PLXNC1: variants seen among roughly 807,000 people sequenced by gnomAD.
PLXNC1 encodes plexin C1.
A neutral mutation model predicts 178.2 loss-of-function variants in PLXNC1; 75 were observed. The ratio of observed to expected loss-of-function variants is 0.42; its 90% CI spans 0.35 to 0.51. PLXNC1 has a LOEUF of 0.51. PLXNC1 is among the 20% of genes least tolerant of loss of function. The probability of loss-of-function intolerance (pLI) is 0.02; values close to 1 mark genes in which losing one functional copy is unlikely to be tolerated. For synonymous variants in PLXNC1, 790 were observed against 779.9 expected (o/e 1.01, Z -0.22); for missense variants, 1,503 against 1,984.4 (o/e 0.76, Z 4.61).
intron 23 of PLXNC1, among the ~76,000 whole-genome samples, chr12:94,293,278 C>T (rs995590738): frequency 6.6e-6 from 1 of 152,140 alleles, no homozygotes; most frequent in Admixed American, 6.5e-5. Context: ...ACAAATCGCT[C>T]CCTATCAGGA....
intron 2 of PLXNC1, among the ~76,000 whole-genome samples, chr12:94,175,655 A>G (rs565046477): frequency 6.6e-6 from 1 of 152,368 alleles, no homozygotes; most frequent in African/African-American, 2.4e-5. Context: ...TTTGTTTTCT[A>G]CACAGGCTTC....
chr12:94,262,346 G>A (rs1965013304), intron 20 of PLXNC1, among the ~76,000 whole-genome samples: 1 of 152,192 alleles, frequency 6.6e-6, no homozygotes, highest in Non-Finnish European at 1.5e-5. Context: ...CAAATGACAG[G>A]CGTGTGTGGG....
At chr12:94,167,883 C>A (rs1961678067) in intron 1 of PLXNC1, 1 of 152,192 alleles carries the variant, frequency 6.6e-6, no homozygotes. Flanking sequence ...TGGACAAATC[C>A]TGGCTAGCTT....
In PLXNC1 at chr12:94,279,616, C is replaced by T. The variant is rs1383234347; in HGVS notation, c.3742C>T (p.Pro1248Ser). The change falls in exon 22 of 31, where the codon CCT (proline) becomes TCT (serine). Residue 1248 changes from proline (P) to serine (S), a missense_variant. Physicochemically the swap from Pro to Ser is moderately conservative, Grantham distance 74. Transcript: ENST00000258526. The part of the protein sequence containing the change: ...FQAFLSKNGS[P>S]YGLQLNEIGL... ...AGCATTCTTAAGCAAAAATGGCTCT[C>T]CTTATGGACTTCAGCTTAATGAAAT... The T allele has an allele frequency of 2.5e-6, 4 of 1,614,224 alleles. No homozygotes were observed. In the South Asian group the frequency reaches 4.4e-5, roughly 18 times the overall value.
rs565249842 is a variant in PLXNC1, at chr12:94,306,789, C to T, written c.*1504C>T. On this transcript the variant is annotated 3_prime_UTR_variant, in exon 31 of 31. Coordinates refer to ENST00000258526, the MANE Select transcript of PLXNC1 (RefSeq NM_005761.3). The stretch of plus-strand genomic sequence containing the variant: ...GAAAAGCATGAGAGAGGTGACACCT[C>T]AACAAACTGATCAGAGAAAATAAGC... The T allele has an allele frequency of 4.6e-5, 7 of 152,292 alleles. No individual in the cohort carries two copies. The highest frequency in any genetic ancestry group is 4.6e-4 in the Admixed American group (7 of 15,292). The allele number at this position is 152,292 out of a possible 1,614,324, so 9.4% of individuals were successfully genotyped here.
At chr12:94,185,621 T>C (rs1658017245) in intron 3 of PLXNC1, among the ~76,000 whole-genome samples, 1 of 152,192 alleles carries the variant, frequency 6.6e-6, no homozygotes, top group Non-Finnish European at 1.5e-5. Flanking sequence ...GGGGAAATGA[T>C]TTGACTACTC....
chr12:94,202,681 C>T (rs1030056409), intron 4 of PLXNC1, among the ~76,000 whole-genome samples: 3 of 152,044 alleles, frequency 2.0e-5, no homozygotes, highest in African/African-American at 7.2e-5. Context: ...AGGGCCTGGC[C>T]TGTTTGCCCT....
intron 10 of PLXNC1, among the ~76,000 whole-genome samples, chr12:94,240,050 T>G (rs771784705): frequency 6.6e-6 from 1 of 152,156 alleles, no homozygotes; most frequent in African/African-American, 2.4e-5. Context: ...TATCTGGGAT[T>G]TTTGGGGGGG....
At chr12:94,215,187 C>T (rs1963608231) in intron 5 of PLXNC1, among the ~76,000 whole-genome samples, 3 of 152,286 alleles carry the variant, frequency 2.0e-5, no homozygotes, top group South Asian at 2.1e-4. Context: ...CGTGAGCCAC[C>T]GTGCCCAGCC....
At chr12:94,239,360 A>G (rs1964319305) in intron 10 of PLXNC1, among the ~76,000 whole-genome samples, 1 of 152,104 alleles carries the variant, frequency 6.6e-6, no homozygotes, top group African/African-American at 2.4e-5. Context: ...AAATTTATAA[A>G]CAAGTTTGAA....
At chr12:94,203,485 G>A (rs1222196976) in intron 4 of PLXNC1, among the ~76,000 whole-genome samples, 1 of 152,164 alleles carries the variant, frequency 6.6e-6, no homozygotes, top group Non-Finnish European at 1.5e-5. Context: ...CTGAGAAATT[G>A]AGTAAAACTT....
At chr12:94,227,410 T>A (rs2291331) in intron 9 of PLXNC1, 175 bp downstream of exon 9, 233,279 of 503,798 alleles carry the variant, frequency 0.46, 56,788 homozygotes, top group African/African-American at 0.72. Flanking sequence ...AATACATCAA[T>A]GGCTGGACAC....
chr12:94,297,568 C>T (rs1968058785), intron 26 of PLXNC1, 145 bp downstream of exon 26: 1 of 625,668 alleles, frequency 1.6e-6, no homozygotes, highest in Non-Finnish European at 2.9e-6. Flanking sequence ...GTAAACACTT[C>T]CTACCCAGTT....
chr12:94,273,276 G>C (rs1965697740), intron 21 of PLXNC1, among the ~76,000 whole-genome samples: 1 of 152,072 alleles, frequency 6.6e-6, no homozygotes, highest in Admixed American at 6.5e-5. Flanking sequence ...TCTTTCAGGT[G>C]GCAGGAGGTG....
chr12:94,202,426 T>C (rs1963166710), intron 4 of PLXNC1, among the ~76,000 whole-genome samples: 1 of 152,150 alleles, frequency 6.6e-6, no homozygotes, highest in Non-Finnish European at 1.5e-5. Context: ...GCCTTTCCCT[T>C]TGGGGGATTT....
intron 15 of PLXNC1, among the ~76,000 whole-genome samples, chr12:94,253,988 A>G (rs1964771786): frequency 6.6e-6 from 1 of 152,214 alleles, no homozygotes; most frequent in Non-Finnish European, 1.5e-5. Flanking sequence ...TGTAATTTCT[A>G]TAAGGAGGAG....
intron 4 of PLXNC1, among the ~76,000 whole-genome samples, chr12:94,187,193 A>AGAGAG (rs553859871): frequency 3.7e-5 from 1 of 27,358 alleles, no homozygotes; most frequent in African/African-American, 4.7e-5. Flanking sequence ...AGAGAGAGAG[A>AGAGAG]AAAAAAAACC....
intron 6 of PLXNC1, among the ~76,000 whole-genome samples, chr12:94,220,535 C>A (rs1810821422): frequency 6.6e-6 from 1 of 152,216 alleles, no homozygotes; most frequent in African/African-American, 2.4e-5. Context: ...AGTTTGAGTT[C>A]ATTGCATTCA....
intron 1 of PLXNC1, among the ~76,000 whole-genome samples, chr12:94,155,635 C>T (rs917504901): frequency 1.3e-5 from 2 of 152,178 alleles, no homozygotes. Context: ...TAAAGACTTG[C>T]CATTTTTGGG....
Sources: gnomAD v4.1 joint callset for allele counts (sites outside exome capture counted in the v4.1 genomes callset) on GRCh38, gnomAD v4.1.1 for gene constraint, MANE v1.5 for transcripts, NCBI Gene and HGNC (gene_info 2026-07-23, HGNC 2026-07-21) for gene names.